Variants in ATP8A2 observed in about 807,000 individuals in gnomAD.
ATP8A2 encodes ATPase phospholipid transporting 8A2.
In ATP8A2, 100 loss-of-function variants were observed where a neutral mutation model predicts 165.6. The observed-to-expected ratio is 0.60, with a 90% CI of 0.51 to 0.71. The LOEUF (loss-of-function observed/expected upper bound fraction) is 0.71. Among genes scored for constraint, ATP8A2 ranks in the 30% least tolerant of loss-of-function variants. The probability of loss-of-function intolerance (pLI) is 0.00; values close to 1 mark genes in which losing one functional copy is unlikely to be tolerated. For synonymous variants in ATP8A2, 543 were observed against 548.8 expected (o/e 0.99, Z 0.15); for missense variants, 1,227 against 1,479.5 (o/e 0.83, Z 2.80).
At chr13:25,434,097 T>C (rs988566420) in intron 1 of ATP8A2, among the ~76,000 whole-genome samples, 11 of 151,876 alleles carry the variant, frequency 7.2e-5, no homozygotes, top group African/African-American at 2.4e-4. Context: ...GACAAGCACA[T>C]GTACCCCCGA....
At chr13:25,625,043 C>A (rs4073364) in intron 24 of ATP8A2, among the ~76,000 whole-genome samples, 1 of 152,066 alleles carries the variant, frequency 6.6e-6, no homozygotes, top group African/African-American at 2.4e-5. Flanking sequence ...TCAATTTTAT[C>A]TAGTCACATT....
intron 33 of ATP8A2, among the ~76,000 whole-genome samples, chr13:25,897,760 C>G (rs1036723824): frequency 1.3e-5 from 2 of 152,122 alleles, no homozygotes; most frequent in Non-Finnish European, 2.9e-5. Context: ...CTCTAAACTT[C>G]TCTTCACGCT....
intron 2 of ATP8A2, among the ~76,000 whole-genome samples, chr13:25,522,296 T>A (rs1315152100): frequency 1.3e-5 from 2 of 152,076 alleles, no homozygotes; most frequent in Non-Finnish European, 2.9e-5. Flanking sequence ...ATAGAAATGC[T>A]ACTGATTTTT....
intron 24 of ATP8A2, among the ~76,000 whole-genome samples, chr13:25,609,542 AAT>A (rs373263564): frequency 3.9e-4 from 56 of 143,708 alleles, no homozygotes; most frequent in African/African-American, 1.0e-3. Flanking sequence ...TTGGGATTCA[AAT>A]ATATATATAT....
At chr13:25,906,865 T>C (rs930389037) in intron 33 of ATP8A2, among the ~76,000 whole-genome samples, 8 of 152,328 alleles carry the variant, frequency 5.3e-5, no homozygotes, top group Non-Finnish European at 8.8e-5. Context: ...TTAATAAGTA[T>C]GTTTTGTTAA....
chr13:25,857,830 C>T (rs1223405698), intron 30 of ATP8A2, among the ~76,000 whole-genome samples: 1 of 152,066 alleles, frequency 6.6e-6, no homozygotes, highest in African/African-American at 2.4e-5. Flanking sequence ...CTTGGCCTTC[C>T]AAAGTGCTGG....
chr13:25,379,448 G>A (rs944631698), intron 1 of ATP8A2, among the ~76,000 whole-genome samples: 7 of 152,140 alleles, frequency 4.6e-5, no homozygotes, highest in African/African-American at 1.4e-4. Context: ...TGTTAATATC[G>A]GGGAGCAGTT....
At chr13:25,458,026 T>TAATTGGC (rs2035409505) in intron 1 of ATP8A2, among the ~76,000 whole-genome samples, 1 of 152,216 alleles carries the variant, frequency 6.6e-6, no homozygotes, top group Admixed American at 6.5e-5. Flanking sequence ...CAGGACAGGA[T>TAATTGGC]AATTGGCATG....
At chr13:25,391,484 C>G (rs1006711551) in intron 1 of ATP8A2, among the ~76,000 whole-genome samples, 1 of 152,208 alleles carries the variant, frequency 6.6e-6, no homozygotes, top group African/African-American at 2.4e-5. Flanking sequence ...ATCATAATCC[C>G]TTTCCCCAAG....
chr13:25,519,655 C>A (rs377678471), intron 2 of ATP8A2, among the ~76,000 whole-genome samples: 2 of 152,172 alleles, frequency 1.3e-5, no homozygotes, highest in African/African-American at 4.8e-5. Flanking sequence ...GGTCACTTAT[C>A]TCCAGCCCCC....
At chr13:25,514,138 C>A (rs1218174310) in intron 2 of ATP8A2, among the ~76,000 whole-genome samples, 2 of 152,076 alleles carry the variant, frequency 1.3e-5, no homozygotes, top group Non-Finnish European at 2.9e-5. Context: ...CTTTATTTTT[C>A]ACTTCCTTTT....
intron 1 of ATP8A2, among the ~76,000 whole-genome samples, chr13:25,466,271 G>A (rs2035666000): frequency 6.6e-6 from 1 of 151,586 alleles, no homozygotes; most frequent in Non-Finnish European, 1.5e-5. Flanking sequence ...TTTTTTAGTT[G>A]GCCCTGATAC....
chr13:25,836,981 T>G (rs2138645580), intron 28 of ATP8A2, among the ~76,000 whole-genome samples, 182 bp from the exon 29 acceptor site: 1 of 152,320 alleles, frequency 6.6e-6, no homozygotes, highest in South Asian at 2.1e-4. Context: ...CATTTGATAG[T>G]GATTAACGTA....
chr13:25,921,635 A>G (rs973265415), intron 33 of ATP8A2, among the ~76,000 whole-genome samples: 9 of 151,992 alleles, frequency 5.9e-5, no homozygotes, highest in South Asian at 2.1e-4. Context: ...AAAAAAAAAA[A>G]AAAGAAAAAA....
intron 27 of ATP8A2, among the ~76,000 whole-genome samples, chr13:25,775,445 G>A (rs2044720217): frequency 6.6e-6 from 1 of 152,168 alleles, no homozygotes; most frequent in Non-Finnish European, 1.5e-5. Context: ...TGGGATACTT[G>A]GACACTGGTA....
intron 24 of ATP8A2, among the ~76,000 whole-genome samples, chr13:25,600,332 A>G (rs1020031555): frequency 8.5e-5 from 13 of 152,308 alleles, no homozygotes; most frequent in Middle Eastern, 3.4e-3. Context: ...TCCTGCTGGC[A>G]GGGCCTAGAG....
chr13:25,396,600 C>T (rs766490371), intron 1 of ATP8A2, among the ~76,000 whole-genome samples: 1 of 152,116 alleles, frequency 6.6e-6, no homozygotes, highest in African/African-American at 2.4e-5. Context: ...TTGCCCTTGA[C>T]CCCGGGTAGC....
chr13:25,540,174 C>T (rs1452178009), intron 7 of ATP8A2, 145 bp from the exon 8 acceptor site: 1 of 641,892 alleles, frequency 1.6e-6, no homozygotes, highest in Non-Finnish European at 2.8e-6. Context: ...CTTTTTCATC[C>T]ATTACTCCTA....
intron 2 of ATP8A2, among the ~76,000 whole-genome samples, chr13:25,523,657 T>G (rs1211343894): frequency 2.0e-5 from 3 of 152,184 alleles, no homozygotes; most frequent in Non-Finnish European, 4.4e-5. Context: ...GGTGCATAAT[T>G]GTTCATAGTA....
Sources: allele counts gnomAD v4.1 joint callset (sites outside exome capture counted in the v4.1 genomes callset), GRCh38; gene constraint gnomAD v4.1.1; transcripts MANE v1.5; gene names NCBI Gene and HGNC (gene_info 2026-07-23, HGNC 2026-07-21).